CDHR4: variants seen among roughly 807,000 people sequenced by gnomAD.
CDHR4 encodes cadherin-related family member 4.
In CDHR4, 89 loss-of-function variants were observed where a neutral mutation model predicts 88.4. The observed-to-expected ratio is 1.01, with a 90% confidence interval of 0.85 to 1.20. CDHR4 has a LOEUF of 1.20. Ranked by LOEUF, CDHR4 falls within the 50% of genes most tolerant of loss-of-function variation. CDHR4 has a pLI of 0.00. For missense variants in CDHR4, 914 were observed against 1,007.2 expected (o/e 0.91, Z 1.25); for synonymous variants, 368 against 399.2 (o/e 0.92, Z 0.93).
chr3:49,799,117 CCATCAGGG>C lies in CDHR4; in HGVS notation c.272_279del (p.Ala91GlyfsTer30). On this transcript the variant is annotated frameshift_variant, in exon 3 of 19. Coordinates refer to ENST00000412678, the MANE Select transcript of CDHR4 (RefSeq NM_001007540.4). LOFTEE classifies it high-confidence loss of function. ...TTCAGCTGCACCTTGTAGTGGTTCA[CCATCAGGG>C]CATCCAACTGAGCAGAGCTGCTCAA... is the stretch of plus-strand genomic sequence containing the variant. The C allele has an allele frequency of 1.3e-6, 2 of 1,574,384 alleles. No individual in the cohort carries two copies. Among genetic ancestry groups the C allele is most frequent in the Non-Finnish European group, 1.7e-6 (2 of 1,159,608 alleles).
In CDHR4 at chr3:49,799,792, G is replaced by A. The variant is rs76282326; in HGVS notation, c.21C>T (p.Leu7=). Residue 7 remains leucine, a synonymous_variant, in exon 1 of 19, where the codon CTC becomes CTT. Coordinates refer to ENST00000412678, the MANE Select transcript of CDHR4 (RefSeq NM_001007540.4). ...AGACCACCGGAGCAAAGAGGAACAC[G>A]AGGAGCCTGAGCAGCACCATGATGA... MVLLRL[L]VFLFAPVVSD... is the part of the protein sequence containing the mutation. The A allele has an allele frequency of 1.3e-3, 2,118 of 1,613,934 alleles. 45 individuals are homozygous for A. In the East Asian group the frequency reaches 0.037, roughly 28 times the overall value.
chr3:49,797,748 C>T (rs1005497238), intron 4 of CDHR4, among the ~76,000 whole-genome samples: 8 of 151,840 alleles, frequency 5.3e-5, no homozygotes, highest in Admixed American at 2.6e-4. Context: ...TCCCAAAATG[C>T]GGGATTACAG....
Position 49,795,294 on chromosome 3 carries a change from A to G in CDHR4, c.933T>C (p.Phe311=). 1 of 1,551,658 alleles carries G rather than the reference A, an allele frequency of 6.4e-7. No homozygotes were observed. Among genetic ancestry groups the G allele is most frequent in the Non-Finnish European group, 8.7e-7 (1 of 1,146,984 alleles). Residue 311 remains phenylalanine, a synonymous_variant, in exon 8 of 19, where the codon TTT becomes TTC. Coordinates refer to ENST00000412678, the MANE Select transcript of CDHR4 (RefSeq NM_001007540.4). The surrounding 1 kb of genome is among the most constrained non-coding windows in gnomAD (Gnocchi z 5.4). ...TAVSRLQVKA[F]EQGQLWASAK... ...CACTGGCCCACAGCTGGCCCTGCTC[A>G]AAGGCCTTCACCTGCAGCCTGGAGA... is the stretch of plus-strand genomic sequence containing the variant.
chr3:49,796,100 G>T, intron 5 of CDHR4, 54 bp from the exon 6 acceptor site: 1 of 1,327,258 alleles, frequency 7.5e-7, no homozygotes, highest in East Asian at 2.6e-5. Flanking sequence ...CCACCTCTTT[G>T]TCTATGCCCA....
At position 49,793,242 on chromosome 3, in the gene CDHR4, G is replaced by T; in HGVS notation, c.1693C>A (p.Arg565Ser). Residue 565 changes from arginine (R) to serine (S), a missense_variant, in exon 13 of 19, where the codon CGT becomes AGT. By Grantham distance (110) the Arg-to-Ser change is moderately radical. Transcript: ENST00000412678. ...QELTIYAPLG[R>S]SVEVTKMSCQ... Reference sequence around the variant, plus strand: ...GACATCTTGGTCACCTCCACGCTACGGCCCAGAGGAGCATAGATGGTGAGT... The same window carrying T: ...GACATCTTGGTCACCTCCACGCTACTGCCCAGAGGAGCATAGATGGTGAGT... The T allele has an allele frequency of 6.4e-7, 1 of 1,551,620 alleles. No homozygotes were observed. Among genetic ancestry groups the T allele is most frequent in the Non-Finnish European group, 8.7e-7 (1 of 1,146,996 alleles).
At chr3:49,800,553 C>T (rs1341826079), upstream of CDHR4, among the ~76,000 whole-genome samples, 1 of 151,814 alleles carries the variant, frequency 6.6e-6, no homozygotes, top group Non-Finnish European at 1.5e-5. Flanking sequence ...AAGTTGTCTA[C>T]ATCCAACAAG....
rs755832689 is a variant in CDHR4 at position 49,793,276 on chromosome 3, T to A, written c.1659A>T (p.Pro553=). 1.3e-5 allele frequency: 20 copies of A among 1,551,362 alleles called. No homozygotes were observed. Among genetic ancestry groups the A allele is most frequent in the Middle Eastern group, 3.3e-4 (2 of 6,012 alleles). The part of the protein sequence containing the change: ...VNDHAPECEP[P]FQELTIYAPL... ...GAGCATAGATGGTGAGTTCCTGAAA[T>A]GGGGGCTCACACTCGGGGGCATGGT... The change falls in exon 13 of 19, where the codon CCA becomes CCT. Residue 553 remains proline, a synonymous_variant. Coordinates refer to ENST00000412678, the MANE Select transcript of CDHR4 (RefSeq NM_001007540.4).
rs1559425401 is a variant in CDHR4, at chr3:49,799,852, A to G, written c.-40T>C. On this transcript the variant is annotated 5_prime_UTR_variant, in exon 1 of 19. Coordinates refer to ENST00000412678, the MANE Select transcript of CDHR4 (RefSeq NM_001007540.4). ...ACAGACAGCAGAGGAGGCTTCAGAAAGCTAGGCTGTTTGTCTGACTCACCC... is the reference window on the plus strand; with the variant it reads ...ACAGACAGCAGAGGAGGCTTCAGAAGGCTAGGCTGTTTGTCTGACTCACCC... 1.2e-6 allele frequency: 2 copies of G among 1,612,002 alleles called. No individual in the cohort carries two copies. Among genetic ancestry groups the G allele is most frequent in the Non-Finnish European group, 1.7e-6 (2 of 1,178,424 alleles).
intron 18 of CDHR4, 68 bp from the exon 19 acceptor site, chr3:49,790,955 CCTTA>C (rs1343168560): frequency 7.8e-7 from 1 of 1,281,238 alleles, no homozygotes; most frequent in Non-Finnish European, 1.1e-6. Context: ...CCTCCCTCCC[CCTTA>C]CTTAAGGGTA....
Position 49,792,724 on chromosome 3 carries a change from T to C in CDHR4, c.1996-114A>G, listed in dbSNP as rs2081199828. 6 of 1,475,898 alleles carry C rather than the reference T, an allele frequency of 4.1e-6. No individual in the cohort carries two copies. The East Asian group carries it at 1.5e-4, about 36-fold the overall frequency. The allele number at this position is 1,475,898 out of a possible 1,614,324, so 91.4% of individuals were successfully genotyped here. On this transcript the variant is annotated intron_variant, in intron 14 of 18. Coordinates refer to ENST00000412678, the MANE Select transcript of CDHR4 (RefSeq NM_001007540.4). ...ACACCCATGATTTGCTCTTCAACACTGCTGGGCTCTCCGCACTCTGCGCTT... is the reference window on the plus strand; with the variant it reads ...ACACCCATGATTTGCTCTTCAACACCGCTGGGCTCTCCGCACTCTGCGCTT...
Position 49,793,917 on chromosome 3 carries a change from C to T in CDHR4, c.1369G>A (p.Ala457Thr). The change falls in exon 11 of 19, where the codon GCG (alanine) becomes ACG (threonine). Residue 457 changes from alanine (A) to threonine (T), a missense_variant. By Grantham distance (58) the Ala-to-Thr change is moderately conservative. Coordinates refer to ENST00000412678, the MANE Select transcript of CDHR4 (RefSeq NM_001007540.4). ...ACGGAGCCCAGTAGAGTGTGGGGCG[C>T]CGCATCCTCCTGAACCCGGAACGTG... Reference protein sequence around the residue: ...PRTFRVQEDAAPHTLLGSVVG... With the variant: ...PRTFRVQEDATPHTLLGSVVG... The T allele has an allele frequency of 1.3e-6, 2 of 1,551,788 alleles. No individual in the cohort carries two copies. Among genetic ancestry groups the T allele is most frequent in the Admixed American group, 2.0e-5 (1 of 51,018 alleles).
At chr3:49,794,448 C>G (rs1437651573) in intron 10 of CDHR4, among the ~76,000 whole-genome samples, 160 bp downstream of exon 10, 1 of 151,100 alleles carries the variant, frequency 6.6e-6, no homozygotes, top group East Asian at 1.9e-4. Context: ...AGAAGCCTTC[C>G]CCTGCTGGGG....
chr3:49,792,825 C>G (rs906716592), intron 14 of CDHR4, 29 bp downstream of exon 14: 3 of 1,508,156 alleles, frequency 2.0e-6, no homozygotes, highest in Non-Finnish European at 2.7e-6. Flanking sequence ...CCCTTCCCAC[C>G]CTGCTGAGGG....
At chr3:49,799,478 G>A in intron 1 of CDHR4, 41 bp from the exon 2 acceptor site, 1 of 1,541,230 alleles carries the variant, frequency 6.5e-7, no homozygotes, top group Non-Finnish European at 8.8e-7. Flanking sequence ...CCCCCAGGCT[G>A]ATGGAACCAC....
At chr3:49,793,345 A>T (rs1204659269) in intron 12 of CDHR4, 34 bp from the exon 13 acceptor site, 33 of 1,546,648 alleles carry the variant, frequency 2.1e-5, no homozygotes, top group Non-Finnish European at 2.7e-5. Context: ...AGTGGGTGGA[A>T]CCCACCCCCT....
At chr3:49,799,206 C>G (rs747328521) in intron 2 of CDHR4, 41 bp downstream of exon 2, 1 of 1,607,384 alleles carries the variant, frequency 6.2e-7, no homozygotes, top group Non-Finnish European at 8.5e-7. Context: ...TTAGGTCTGC[C>G]CTTGTGCCCC....
Position 49,790,782 on chromosome 3 carries a change from A to G in CDHR4, c.*50T>C. On this transcript the variant is annotated 3_prime_UTR_variant, in exon 19 of 19. Transcript: ENST00000412678. ...ATGAATCAACTTGAAAATACAGCCC[A>G]TGATGGTGTGAAAAAGAAATTCCAC... is the stretch of plus-strand genomic sequence containing the variant. 2.7e-6 allele frequency: 4 copies of G among 1,467,150 alleles called. No homozygotes were observed. Among genetic ancestry groups the G allele is most frequent in the Non-Finnish European group, 3.7e-6 (4 of 1,078,298 alleles). The allele number at this position is 1,467,150 out of a possible 1,614,324, so 90.9% of individuals were successfully genotyped here.
intron 18 of CDHR4, among the ~76,000 whole-genome samples, chr3:49,791,154 C>T (rs1369968800): frequency 6.6e-6 from 1 of 152,210 alleles, no homozygotes; most frequent in Non-Finnish European, 1.5e-5. Flanking sequence ...CCATAAATCA[C>T]TGGTGACATT....
At chr3:49,794,768 G>C in intron 9 of CDHR4, 67 bp from the exon 10 acceptor site, 1 of 1,443,784 alleles carries the variant, frequency 6.9e-7, no homozygotes, top group African/African-American at 1.4e-5. Flanking sequence ...ACACGGGGCT[G>C]CTGTAGGCCA....
Sources: gnomAD v4.1 joint callset for allele counts (sites outside exome capture counted in the v4.1 genomes callset) on GRCh38, gnomAD v4.1.1 for gene constraint, Gnocchi (gnomAD v3.1) non-coding constraint, MANE v1.5 for transcripts, NCBI Gene and HGNC (gene_info 2026-07-23, HGNC 2026-07-21) for gene names.